The following FAM13A variants were observed in gnomAD, a reference collection of about 807,000 sequenced individuals.
FAM13A encodes the protein family with sequence similarity 13 member A.
FAM13A carries 76 observed loss-of-function variants against 129.6 expected under a neutral mutation model. That is an observed-to-expected ratio of 0.59 (90% CI 0.49 to 0.71). The LOEUF (loss-of-function observed/expected upper bound fraction) is 0.71, where lower values mean the gene tolerates loss of function less well. FAM13A is among the 30% of genes least tolerant of loss of function. The pLI is 0.00. For synonymous variants in FAM13A, 443 were observed against 449.9 expected, an observed-to-expected ratio of 0.98 and a Z score of 0.20; for missense variants, 1,108 against 1,249.3, an observed-to-expected ratio of 0.89 and a Z score of 1.70.
chr4:88,989,149 A>C (rs796654729), intron 4 of FAM13A, among the ~76,000 whole-genome samples: 1 of 149,926 alleles, frequency 6.7e-6, no homozygotes, highest in East Asian at 2.0e-4. Flanking sequence ...CAGAGGTTTC[A>C]ATGAGCCGAG....
chr4:88,931,354 G>T (rs1426325968), intron 5 of FAM13A, among the ~76,000 whole-genome samples: 1 of 152,098 alleles, frequency 6.6e-6, no homozygotes, highest in Non-Finnish European at 1.5e-5. Flanking sequence ...TGGGTTGAGA[G>T]TTTTTCCTAT....
intron 6 of FAM13A, among the ~76,000 whole-genome samples, chr4:88,883,251 C>A (rs1005198255): frequency 1.9e-4 from 29 of 151,898 alleles, no homozygotes; most frequent in Non-Finnish European, 2.9e-5. Flanking sequence ...CCAAGATAGA[C>A]CACACGATAA....
intron 8 of FAM13A, among the ~76,000 whole-genome samples, chr4:88,797,545 G>C (rs1484466820): frequency 2.0e-5 from 3 of 152,152 alleles, no homozygotes; most frequent in Non-Finnish European, 4.4e-5. Flanking sequence ...GATTACAGGA[G>C]AGAACTACTG....
At chr4:88,931,398 G>A (rs1753011172) in intron 5 of FAM13A, among the ~76,000 whole-genome samples, 1 of 152,050 alleles carries the variant, frequency 6.6e-6, no homozygotes, top group South Asian at 2.1e-4. Flanking sequence ...CCAGAGTGTG[G>A]AGCCCTGGGG....
intron 4 of FAM13A, among the ~76,000 whole-genome samples, chr4:88,981,836 A>G (rs929039817): frequency 1.3e-5 from 2 of 152,344 alleles, no homozygotes; most frequent in South Asian, 2.1e-4. Context: ...TTCCATGGGA[A>G]GAACAAAAAA....
chr4:89,055,409 G>T (rs983835214), intron 1 of FAM13A, among the ~76,000 whole-genome samples: 1 of 152,144 alleles, frequency 6.6e-6, no homozygotes, highest in Non-Finnish European at 1.5e-5. Context: ...TACACTGTGT[G>T]ATTTTTATGT....
At chr4:88,916,523 C>A (rs1407648575) in intron 5 of FAM13A, among the ~76,000 whole-genome samples, 2 of 152,234 alleles carry the variant, frequency 1.3e-5, no homozygotes, top group East Asian at 1.9e-4. Flanking sequence ...ATCTAACCCA[C>A]CATGCTTTCT....
intron 6 of FAM13A, among the ~76,000 whole-genome samples, chr4:88,866,722 A>G (rs1387026296): frequency 2.0e-5 from 3 of 152,154 alleles, no homozygotes; most frequent in South Asian, 2.1e-4. Flanking sequence ...ATAGTGCCCT[A>G]TGCTTGATAG....
At chr4:88,979,188 AAAT>A (rs1460403660) in intron 4 of FAM13A, among the ~76,000 whole-genome samples, 1 of 152,212 alleles carries the variant, frequency 6.6e-6, no homozygotes, top group Non-Finnish European at 1.5e-5. Flanking sequence ...CAAATATTAA[AAAT>A]AATAATATGA....
chr4:88,766,123 C>A (rs1260579388), intron 13 of FAM13A, among the ~76,000 whole-genome samples: 1 of 152,172 alleles, frequency 6.6e-6, no homozygotes, highest in East Asian at 1.9e-4. Context: ...CAAAAGAAAA[C>A]AGGCATAAAA....
At chr4:88,887,074 T>A (rs1744546752) in intron 6 of FAM13A, among the ~76,000 whole-genome samples, 1 of 152,106 alleles carries the variant, frequency 6.6e-6, no homozygotes, top group Admixed American at 6.6e-5. Flanking sequence ...TATGTTCTCA[T>A]TCATAAGTGG....
chr4:89,021,045 T>C (rs1290554224), intron 2 of FAM13A, among the ~76,000 whole-genome samples: 1 of 152,228 alleles, frequency 6.6e-6, no homozygotes, highest in Non-Finnish European at 1.5e-5. Flanking sequence ...AACTACTTTT[T>C]AAATGACATG....
At chr4:88,888,821 A>G (rs1744874159) in intron 6 of FAM13A, among the ~76,000 whole-genome samples, 1 of 151,560 alleles carries the variant, frequency 6.6e-6, no homozygotes, top group African/African-American at 2.4e-5. Context: ...CTGCAGTCCC[A>G]GCTACTCAGG....
chr4:88,954,499 C>G (rs183098200), intron 4 of FAM13A, among the ~76,000 whole-genome samples: 2 of 152,202 alleles, frequency 1.3e-5, no homozygotes, highest in Non-Finnish European at 2.9e-5. Context: ...CAAATAAGGT[C>G]AAGGGAGGAG....
chr4:88,804,959 C>T (rs369371359), intron 8 of FAM13A, 52 bp downstream of exon 8: 14 of 990,720 alleles, frequency 1.4e-5, no homozygotes, highest in Admixed American at 3.7e-5. Context: ...CCCAAAGAAG[C>T]CTTAACCCTC....
In FAM13A at chr4:88,842,638, A is replaced by G. The variant is rs113361228; in HGVS notation, c.1007+8382T>C. ...ATGTGCAGTACATAGATTGTGCCCA[A>G]TAACAATCTGTTAACTTTGAATTAC... On this transcript the variant is annotated intron_variant, in intron 7 of 23. Coordinates refer to ENST00000264344, the MANE Select transcript of FAM13A (RefSeq NM_014883.4). Among the ~76,000 whole-genome samples the G allele has an allele frequency of 1.8e-3, 269 of 152,360 alleles. 2 individuals carry two copies. Among genetic ancestry groups the G allele is most frequent in the African/African-American group, 5.8e-3 (243 of 41,588 alleles).
At position 89,057,156 on chromosome 4, in the gene FAM13A, C is replaced by T. The variant is rs574279478; in HGVS notation, c.-192G>A. On this transcript the variant is annotated 5_prime_UTR_variant, in exon 1 of 24. Coordinates refer to ENST00000264344, the MANE Select transcript of FAM13A (RefSeq NM_014883.4). ...TGGTTTTGCTTCTCTTTCCGCTGAA[C>T]CCACATGGCTGGAAGGACTGCCTGG... 1.1e-5 allele frequency: 16 copies of T among 1,434,404 alleles called. No individual in the cohort carries two copies. In the East Asian group the frequency reaches 3.3e-4, roughly 30 times the overall value. 88.9% of individuals were successfully genotyped at this position (1,434,404 alleles called of 1,614,324 possible).
chr4:88,974,398 T>A (rs1760611708), intron 4 of FAM13A, among the ~76,000 whole-genome samples: 1 of 152,224 alleles, frequency 6.6e-6, no homozygotes, highest in African/African-American at 2.4e-5. Context: ...GTTCAGCTTT[T>A]TACTTGTTGT....
At chr4:88,853,847 C>G (rs1738032832) in intron 6 of FAM13A, among the ~76,000 whole-genome samples, 1 of 152,238 alleles carries the variant, frequency 6.6e-6, no homozygotes, top group African/African-American at 2.4e-5. Flanking sequence ...AAGGACTAGA[C>G]TGGCTGAGTG....
Sources: gnomAD v4.1 joint callset for allele counts (sites outside exome capture counted in the v4.1 genomes callset) on GRCh38, gnomAD v4.1.1 for gene constraint, MANE v1.5 for transcripts, NCBI Gene and HGNC (gene_info 2026-07-23, HGNC 2026-07-21) for gene names.